GREB1L: variants seen among roughly 807,000 people sequenced by gnomAD.
GREB1L encodes GREB1-like protein.
Under a neutral mutation model 200.8 loss-of-function variants are expected in GREB1L, and 17 were observed. That is an observed-to-expected ratio of 0.08 (90% CI 0.06 to 0.13). The LOEUF (loss-of-function observed/expected upper bound fraction) is 0.13. GREB1L is among the 10% of genes least tolerant of loss of function. The pLI is 1.00. For synonymous variants in GREB1L, 789 were observed against 893.0 expected (o/e 0.88, Z 2.08); for missense variants, 1,657 against 2,367.7 (o/e 0.70, Z 6.23).
At position 21,332,771 on chromosome 18, in the gene GREB1L, G is replaced by C. The variant is rs545794597; in HGVS notation, c.-119-33256G>C. 2.0e-5 allele frequency among the ~76,000 whole-genome samples: 3 copies of C among 152,100 alleles called. No homozygotes were observed. The South Asian group carries it at 6.2e-4, about 32-fold the overall frequency. ...ATTACAGGCGTGAGCCACCACACCT[G>C]GCCTACCACTGTAAAAATTTATTTT... is the stretch of plus-strand genomic sequence containing the variant. On this transcript the variant is annotated intron_variant, in intron 1 of 32. Coordinates refer to ENST00000424526, the MANE Select transcript of GREB1L (RefSeq NM_001142966.3).
intron 28 of GREB1L, among the ~76,000 whole-genome samples, chr18:21,514,548 T>C (rs2037350798): frequency 6.6e-6 from 1 of 152,204 alleles, no homozygotes; most frequent in Non-Finnish European, 1.5e-5. Flanking sequence ...TGAGACACTA[T>C]GATTTATGGA....
rs1203147083 is a variant in GREB1L at position 21,525,297 on chromosome 18, G to T, written c.*2476G>T. ...GTAAAATGTTCTTAACCAAAATTTG[G>T]TGAATTTCACTAGTCTACCTCACAT... On this transcript the variant is annotated 3_prime_UTR_variant, in exon 33 of 33. Transcript: ENST00000424526. 6.6e-6 allele frequency: 1 copy of T among 152,112 alleles called. No individual in the cohort carries two copies. The highest frequency in any genetic ancestry group is 1.9e-4 in the East Asian group (1 of 5,198). The allele number at this position is 152,112 out of a possible 1,614,324, so 9.4% of individuals were successfully genotyped here.
At position 21,474,966 on chromosome 18, in the gene GREB1L, G is replaced by A. The variant is rs151019236; in HGVS notation, c.2363+1755G>A. Among the ~76,000 whole-genome samples, 1,333 of 152,048 alleles carry A rather than the reference G, an allele frequency of 8.8e-3. 11 individuals are homozygous for A. Among genetic ancestry groups the A allele is most frequent in the Non-Finnish European group, 0.013 (914 of 67,968 alleles). On this transcript the variant is annotated intron_variant, in intron 16 of 32. Transcript: ENST00000424526. ...CCCCATAATTCAATCATCTCCCACC[G>A]GGTCCCTCCCACAACACATGGGAAT...
At chr18:21,243,013 G>T (rs1017067897) in intron 1 of GREB1L, among the ~76,000 whole-genome samples, 1 of 152,018 alleles carries the variant, frequency 6.6e-6, no homozygotes, top group Non-Finnish European at 1.5e-5. Flanking sequence ...ACTTCGTCAC[G>T]AGCGGGCGCG....
chr18:21,385,676 C>A (rs1237312940), intron 4 of GREB1L, among the ~76,000 whole-genome samples: 1 of 152,160 alleles, frequency 6.6e-6, no homozygotes, highest in African/African-American at 2.4e-5. Flanking sequence ...TTCTTACTTG[C>A]TTTACGTCCA....
chr18:21,485,102 G>A (rs1200231458), intron 17 of GREB1L, among the ~76,000 whole-genome samples: 5 of 152,122 alleles, frequency 3.3e-5, no homozygotes, highest in South Asian at 2.1e-4. Flanking sequence ...AGGGGGCTAC[G>A]TTAAATACTG....
At chr18:21,287,115 AC>A (rs773299583) in intron 1 of GREB1L, among the ~76,000 whole-genome samples, 93 of 151,184 alleles carry the variant, frequency 6.2e-4, no homozygotes, top group Non-Finnish European at 1.0e-3. Flanking sequence ...AAATGAGCTA[AC>A]CCTCTAGTAG....
chr18:21,357,172 C>T lies in GREB1L; in HGVS notation c.-119-8855C>T, dbSNP rs368343823. Among the ~76,000 whole-genome samples, 29 of 152,180 alleles carry T rather than the reference C, an allele frequency of 1.9e-4. 1 individual carries two copies. The highest frequency in any genetic ancestry group is 1.2e-3 in the Admixed American group (19 of 15,286). The stretch of plus-strand genomic sequence containing the variant: ...TGGGTTCAAGCAATTCTTCTGCCTC[C>T]GCCTCCTGAGTAGCTGGGACTACAG... On this transcript the variant is annotated intron_variant, in intron 1 of 32. Coordinates refer to ENST00000424526, the MANE Select transcript of GREB1L (RefSeq NM_001142966.3).
intron 15 of GREB1L, 65 bp downstream of exon 15, chr18:21,454,628 T>A (rs1366692227): frequency 2.4e-6 from 3 of 1,229,490 alleles, no homozygotes; most frequent in Non-Finnish European, 3.5e-6. Context: ...TGCCTCTTTC[T>A]TTTGCTTAAT....
intron 11 of GREB1L, among the ~76,000 whole-genome samples, chr18:21,445,256 C>G (rs191941949): frequency 1.3e-5 from 2 of 152,336 alleles, no homozygotes; most frequent in East Asian, 3.9e-4. Flanking sequence ...GGGCGGATCA[C>G]CTGAGGTGGG....
chr18:21,280,391 CTTT>C (rs763825839), intron 1 of GREB1L, among the ~76,000 whole-genome samples: 2 of 139,110 alleles, frequency 1.4e-5, no homozygotes, highest in African/African-American at 2.6e-5. Context: ...TCCTTTCTTT[CTTT>C]TTTTTTTTTT....
intron 7 of GREB1L, among the ~76,000 whole-genome samples, chr18:21,414,669 C>G (rs915333811): frequency 6.6e-6 from 1 of 152,030 alleles, no homozygotes; most frequent in African/African-American, 2.4e-5. Flanking sequence ...TTGAGCTCTA[C>G]CTAGAGTTCT....
chr18:21,322,573 A>G (rs1327851769), intron 1 of GREB1L, among the ~76,000 whole-genome samples: 1 of 152,208 alleles, frequency 6.6e-6, no homozygotes, highest in Non-Finnish European at 1.5e-5. Context: ...TTGATTCTCT[A>G]GTTCATATAT....
chr18:21,498,428 TTTC>T (rs2036638234), intron 21 of GREB1L, among the ~76,000 whole-genome samples: 1 of 152,140 alleles, frequency 6.6e-6, no homozygotes, highest in Non-Finnish European at 1.5e-5. Flanking sequence ...CTGAGAGCAG[TTTC>T]AGAATAGAGT....
intron 15 of GREB1L, among the ~76,000 whole-genome samples, chr18:21,460,046 TTTCAGGCCACACTCTCC>T (rs1473783248): frequency 6.6e-6 from 1 of 152,172 alleles, no homozygotes; most frequent in Non-Finnish European, 1.5e-5. Context: ...ATGTTCCCAA[TTTCAGGCCACACTCTCC>T]TTCAGGCCAC....
intron 5 of GREB1L, among the ~76,000 whole-genome samples, chr18:21,400,192 G>GA (rs1182843412): frequency 6.6e-6 from 1 of 151,800 alleles, no homozygotes; most frequent in East Asian, 1.9e-4. Flanking sequence ...TATTAAGGGG[G>GA]ATGGAAAAAT....
chr18:21,380,162 G>A (rs1172393386), intron 2 of GREB1L: 1 of 152,136 alleles, frequency 6.6e-6, no homozygotes, highest in African/African-American at 2.4e-5. Context: ...CACTCTGATG[G>A]AAATCATCGC....
intron 19 of GREB1L, among the ~76,000 whole-genome samples, chr18:21,494,782 C>T (rs1238870535): frequency 6.6e-6 from 1 of 152,130 alleles, no homozygotes; most frequent in East Asian, 1.9e-4. Context: ...GTAGAAACCA[C>T]CTTATCTACT....
Position 21,384,291 on chromosome 18 carries a change from A to G in GREB1L, c.243A>G (p.Leu81=). ...QNGSLDFSNN[L]TVNEMEDDED... is the part of the protein sequence containing the mutation. ...GAAGTCTGGATTTTTCTAACAATCT[A>G]ACAGTTAATGAAATGGAAGATGATG... The change falls in exon 4 of 33, where the codon CTA becomes CTG. Residue 81 remains leucine (L), a synonymous_variant. Coordinates refer to ENST00000424526, the MANE Select transcript of GREB1L (RefSeq NM_001142966.3). The G allele has an allele frequency of 6.4e-7, 1 of 1,550,752 alleles. No homozygotes were observed.
Sources: gnomAD v4.1 joint callset for allele counts (sites outside exome capture counted in the v4.1 genomes callset) on GRCh38, gnomAD v4.1.1 for gene constraint, MANE v1.5 for transcripts, NCBI Gene and HGNC (gene_info 2026-07-23, HGNC 2026-07-21) for gene names.